The following KCNMB2 variants were observed in gnomAD, a reference collection of about 807,000 sequenced individuals.
KCNMB2 encodes the protein calcium-activated potassium channel subunit beta-2.
A neutral mutation model predicts 24.5 loss-of-function variants in KCNMB2; 9 were observed. That is an observed-to-expected ratio of 0.37 (90% confidence interval 0.22 to 0.64). The LOEUF (loss-of-function observed/expected upper bound fraction) is 0.64, where lower values mean the gene tolerates loss of function less well. Ranked by LOEUF, KCNMB2 falls within the 30% of genes least tolerant of loss-of-function variation. The probability of loss-of-function intolerance (pLI) is 0.63; values close to 1 mark genes in which losing one functional copy is unlikely to be tolerated. For missense variants in KCNMB2, 226 were observed against 284.3 expected, an observed-to-expected ratio of 0.79 and a Z score of 1.47; for synonymous variants, 109 against 104.4, an observed-to-expected ratio of 1.04 and a Z score of -0.27.
intron 1 of KCNMB2, among the ~76,000 whole-genome samples, chr3:178,602,288 T>C (rs1400031487): frequency 1.3e-5 from 2 of 151,552 alleles, no homozygotes; most frequent in Non-Finnish European, 2.9e-5. Flanking sequence ...ACCAGAATCA[T>C]TCATCCCCCT....
intron 1 of KCNMB2, among the ~76,000 whole-genome samples, chr3:178,736,543 C>T (rs1723322466): frequency 6.6e-6 from 1 of 152,168 alleles, no homozygotes; most frequent in African/African-American, 2.4e-5. Flanking sequence ...GCGCCAGGGG[C>T]ACATTCACCT....
chr3:178,588,514 G>A (rs1351244398), intron 1 of KCNMB2, among the ~76,000 whole-genome samples: 1 of 152,040 alleles, frequency 6.6e-6, no homozygotes, highest in South Asian at 2.1e-4. Context: ...TTGTAGAAAG[G>A]TGATCTCTGT....
intron 1 of KCNMB2, among the ~76,000 whole-genome samples, chr3:178,591,174 T>C (rs1717656720): frequency 6.6e-6 from 1 of 151,704 alleles, no homozygotes; most frequent in Non-Finnish European, 1.5e-5. Context: ...AGTCCATAGA[T>C]CTGAGGACTC....
intron 1 of KCNMB2, among the ~76,000 whole-genome samples, chr3:178,595,978 C>A (rs1431735352): frequency 3.3e-5 from 5 of 152,054 alleles, no homozygotes; most frequent in African/African-American, 1.2e-4. Flanking sequence ...GGATCTTGAG[C>A]TTTCCGAAGA....
At chr3:178,724,473 A>G (rs1032416592) in intron 1 of KCNMB2, among the ~76,000 whole-genome samples, 7 of 152,044 alleles carry the variant, frequency 4.6e-5, no homozygotes, top group Non-Finnish European at 1.0e-4. Flanking sequence ...CTCTGTTGAT[A>G]GTTTCTTTTG....
intron 1 of KCNMB2, among the ~76,000 whole-genome samples, chr3:178,655,114 C>CTT (rs1720280710): frequency 6.7e-6 from 1 of 148,358 alleles, no homozygotes; most frequent in Non-Finnish European, 1.5e-5. Flanking sequence ...CTCTCTCTCT[C>CTT]TCTCTCTCTC....
chr3:178,764,034 G>A (rs142088391), intron 1 of KCNMB2, among the ~76,000 whole-genome samples: 1 of 152,114 alleles, frequency 6.6e-6, no homozygotes, highest in African/African-American at 2.4e-5. Context: ...ATAACTAAAT[G>A]TTCAAGGTTA....
chr3:178,835,684 C>A (rs530647267), intron 4 of KCNMB2, among the ~76,000 whole-genome samples: 2 of 150,696 alleles, frequency 1.3e-5, no homozygotes, highest in Admixed American at 1.3e-4. Flanking sequence ...TTATGTTTCA[C>A]ATGAGCAATG....
chr3:178,752,385 A>G (rs1723879802), intron 1 of KCNMB2, among the ~76,000 whole-genome samples: 1 of 152,164 alleles, frequency 6.6e-6, no homozygotes, highest in Admixed American at 6.6e-5. Flanking sequence ...GGAGCATATG[A>G]CCCATTTTTG....
intron 1 of KCNMB2, among the ~76,000 whole-genome samples, chr3:178,660,097 T>C (rs9809471): frequency 2.0e-5 from 3 of 152,272 alleles, no homozygotes; most frequent in South Asian, 2.1e-4. Context: ...AAAAGGAGCA[T>C]AAATTTTGAA....
At chr3:178,601,749 A>G (rs1360503837) in intron 1 of KCNMB2, among the ~76,000 whole-genome samples, 4 of 152,174 alleles carry the variant, frequency 2.6e-5, no homozygotes, top group Admixed American at 2.6e-4. Context: ...TGCTTTGAAA[A>G]AGCAGATTAC....
At chr3:178,561,397 A>G (rs1188254625) in intron 1 of KCNMB2, among the ~76,000 whole-genome samples, 1 of 152,208 alleles carries the variant, frequency 6.6e-6, no homozygotes, top group Non-Finnish European at 1.5e-5. Flanking sequence ...TTGCTTTTAC[A>G]TGAAAGCTGT....
chr3:178,653,192 G>A (rs1451769404), intron 1 of KCNMB2, among the ~76,000 whole-genome samples: 2 of 151,850 alleles, frequency 1.3e-5, no homozygotes, highest in African/African-American at 4.8e-5. Context: ...TGGATTCTTT[G>A]TTAAGGTAAT....
intron 1 of KCNMB2, among the ~76,000 whole-genome samples, chr3:178,546,538 G>A (rs1023888907): frequency 3.9e-5 from 6 of 152,136 alleles, no homozygotes; most frequent in African/African-American, 7.2e-5. Context: ...GTGTCTACAC[G>A]TTTTAAAAAT....
intron 1 of KCNMB2, among the ~76,000 whole-genome samples, chr3:178,664,947 G>A (rs931695633): frequency 6.6e-6 from 1 of 152,086 alleles, no homozygotes; most frequent in Non-Finnish European, 1.5e-5. Context: ...ATTTTGCCCT[G>A]AGCAAGAAAT....
intron 1 of KCNMB2, among the ~76,000 whole-genome samples, chr3:178,788,669 G>T (rs1201151954): frequency 6.6e-6 from 1 of 152,178 alleles, no homozygotes; most frequent in African/African-American, 2.4e-5. Flanking sequence ...ATGGAGCTGG[G>T]ATTGCAACCT....
chr3:178,691,105 G>GTATTTTTTT (rs1310077931), intron 1 of KCNMB2, among the ~76,000 whole-genome samples: 9 of 32,968 alleles, frequency 2.7e-4, no homozygotes, highest in African/African-American at 7.0e-4. Flanking sequence ...TCCCCATTAA[G>GTATTTTTTT]TCTTTTTTTT....
intron 1 of KCNMB2, among the ~76,000 whole-genome samples, chr3:178,649,807 A>T (rs1720045002): frequency 7.8e-6 from 1 of 128,404 alleles, no homozygotes; most frequent in Non-Finnish European, 1.6e-5. Flanking sequence ...ATCATTTAAA[A>T]AAAACAGCTC....
chr3:178,579,702 C>A (rs189998051), intron 1 of KCNMB2, among the ~76,000 whole-genome samples: 1 of 152,094 alleles, frequency 6.6e-6, no homozygotes, highest in Admixed American at 6.5e-5. Flanking sequence ...ACCTCTTATA[C>A]CATAGAAATA....
Sources: gnomAD v4.1 joint callset for allele counts (sites outside exome capture counted in the v4.1 genomes callset) on GRCh38, gnomAD v4.1.1 for gene constraint, MANE v1.5 for transcripts, NCBI Gene and HGNC (gene_info 2026-07-23, HGNC 2026-07-21) for gene names.